ADGRB3: variants seen among roughly 807,000 people sequenced by gnomAD.
ADGRB3 encodes the protein adhesion G protein-coupled receptor B3, also known as brain-specific angiogenesis inhibitor 3.
In ADGRB3, 37 loss-of-function variants were observed where a neutral mutation model predicts 193.4. The observed-to-expected ratio is 0.19, with a 90% confidence interval of 0.15 to 0.25. The LOEUF (loss-of-function observed/expected upper bound fraction) is 0.25, where lower values mean the gene tolerates loss of function less well. Among genes scored for constraint, ADGRB3 ranks in the 10% least tolerant of loss-of-function variants. The pLI, the probability that ADGRB3 is intolerant of heterozygous loss-of-function variation, is 1.00. For missense variants in ADGRB3, 1,637 were observed against 1,852.9 expected, an observed-to-expected ratio of 0.88 and a Z score of 2.14; for synonymous variants, 690 against 644.2, an observed-to-expected ratio of 1.07 and a Z score of -1.08.
chr6:69,321,774 G>A (rs1224155854), intron 20 of ADGRB3, among the ~76,000 whole-genome samples: 4 of 151,768 alleles, frequency 2.6e-5, no homozygotes, highest in East Asian at 3.9e-4. Context: ...ATTCATAAAA[G>A]TTATATTGTA....
At position 69,183,023 on chromosome 6, in the gene ADGRB3, A is replaced by G. The variant is rs1764966546; in HGVS notation, c.2481-50267A>G. 2.6e-5 allele frequency among the ~76,000 whole-genome samples: 4 copies of G among 152,222 alleles called. No individual in the cohort carries two copies. In the South Asian group the frequency reaches 8.3e-4, roughly 32 times the overall value. On this transcript the variant is annotated intron_variant, in intron 17 of 31. Transcript: ENST00000370598. ...GTTATTACTTTTAAAATATGGCACT[A>G]CTGTCACATGGATGTTACCCCTTAC... is the stretch of plus-strand genomic sequence containing the variant.
chr6:68,856,006 T>G (rs1366916724), intron 3 of ADGRB3, among the ~76,000 whole-genome samples: 1 of 152,180 alleles, frequency 6.6e-6, no homozygotes, highest in Non-Finnish European at 1.5e-5. Flanking sequence ...CTCATGATAG[T>G]GAATGGGTCT....
chr6:68,942,752 A>G (rs1055774167), intron 5 of ADGRB3, among the ~76,000 whole-genome samples: 2 of 152,102 alleles, frequency 1.3e-5, no homozygotes, highest in South Asian at 2.1e-4. Context: ...CTGGGACTAC[A>G]GGCACACAAC....
At chr6:69,341,112 A>C (rs1768965276) in intron 26 of ADGRB3, among the ~76,000 whole-genome samples, 1 of 152,138 alleles carries the variant, frequency 6.6e-6, no homozygotes, top group Non-Finnish European at 1.5e-5. Context: ...ATGATGTATA[A>C]TCCTTTGGGT....
At chr6:69,307,347 G>A (rs1437279380) in intron 20 of ADGRB3, among the ~76,000 whole-genome samples, 1 of 151,482 alleles carries the variant, frequency 6.6e-6, no homozygotes, top group Non-Finnish European at 1.5e-5. Flanking sequence ...TGTATTTTAA[G>A]CAAAGATAAT....
intron 13 of ADGRB3, among the ~76,000 whole-genome samples, chr6:69,029,947 CATAT>C (rs145059462): frequency 1.4e-5 from 2 of 144,000 alleles, no homozygotes; most frequent in African/African-American, 5.2e-5. Context: ...AGCCAACAAA[CATAT>C]ATATATATAT....
In ADGRB3 at chr6:69,350,725, A is replaced by G. The variant is rs540492563; in HGVS notation, c.3460-3508A>G. Among the ~76,000 whole-genome samples the G allele has an allele frequency of 3.4e-4, 52 of 152,258 alleles. No individual in the cohort carries two copies. The South Asian group carries it at 0.011, about 32-fold the overall frequency. The stretch of plus-strand genomic sequence containing the variant: ...TATGACTGTTGGCACAGAATATTTT[A>G]ATATTCTGGTTGAGAAAGCAAGATC... On this transcript the variant is annotated intron_variant, in intron 26 of 31. Transcript: ENST00000370598.
At chr6:69,241,197 T>C (rs925192524) in intron 20 of ADGRB3, among the ~76,000 whole-genome samples, 6 of 151,958 alleles carry the variant, frequency 3.9e-5, no homozygotes, top group East Asian at 1.9e-4. Flanking sequence ...TGATGTACAA[T>C]AGAAATGCAA....
At chr6:69,384,807 T>C (rs999789282) in intron 31 of ADGRB3, among the ~76,000 whole-genome samples, 2 of 152,042 alleles carry the variant, frequency 1.3e-5, no homozygotes, top group Non-Finnish European at 2.9e-5. Flanking sequence ...GCGACTTCCT[T>C]ATTCAGTTTT....
At chr6:68,834,196 A>C (rs1463062529) in intron 3 of ADGRB3, among the ~76,000 whole-genome samples, 1 of 152,068 alleles carries the variant, frequency 6.6e-6, no homozygotes, top group East Asian at 1.9e-4. Flanking sequence ...CAGTCTATAT[A>C]ATACCCAAAA....
At chr6:68,955,948 G>T in intron 6 of ADGRB3, 76 bp from the exon 7 acceptor site, 2 of 1,500,892 alleles carry the variant, frequency 1.3e-6, no homozygotes, top group Non-Finnish European at 1.8e-6. Context: ...TTCAAGGGTG[G>T]TTTTACCAGG....
intron 3 of ADGRB3, among the ~76,000 whole-genome samples, chr6:68,806,897 C>T (rs180750222): frequency 6.6e-6 from 1 of 152,160 alleles, no homozygotes; most frequent in East Asian, 1.9e-4. Context: ...TATTGTTACA[C>T]AGTTGCCTTG....
chr6:69,029,803 A>G (rs971497696), intron 13 of ADGRB3, among the ~76,000 whole-genome samples: 2 of 152,122 alleles, frequency 1.3e-5, no homozygotes, highest in African/African-American at 4.8e-5. Flanking sequence ...CTATAATAAT[A>G]CAGGCCAAGA....
chr6:68,838,614 T>C (rs1768090534), intron 3 of ADGRB3, among the ~76,000 whole-genome samples: 1 of 152,182 alleles, frequency 6.6e-6, no homozygotes, highest in Non-Finnish European at 1.5e-5. Flanking sequence ...TGTAGCAAAG[T>C]CAAATGGGAT....
At chr6:68,892,649 G>T (rs1766110548) in intron 3 of ADGRB3, among the ~76,000 whole-genome samples, 2 of 152,036 alleles carry the variant, frequency 1.3e-5, no homozygotes, top group South Asian at 4.1e-4. Flanking sequence ...AGAGGGCCTG[G>T]GTTGTGCAAT....
At chr6:69,347,596 G>A (rs1769128686) in intron 26 of ADGRB3, among the ~76,000 whole-genome samples, 1 of 152,048 alleles carries the variant, frequency 6.6e-6, no homozygotes, top group Non-Finnish European at 1.5e-5. Flanking sequence ...GGGCAACACA[G>A]TGAGACCCAC....
At position 69,122,322 on chromosome 6, in the gene ADGRB3, G is replaced by A. The variant is rs552024153; in HGVS notation, c.2480+46284G>A. ...AAACCAGTCAGGCGTGGTGGCACGC[G>A]CCTGTAATCCCAGGCACTCGGCAGG... On this transcript the variant is annotated intron_variant, in intron 17 of 31. Transcript: ENST00000370598. Among the ~76,000 whole-genome samples, 627 of 151,484 alleles carry A rather than the reference G, an allele frequency of 4.1e-3. 2 individuals carry two copies. The highest frequency in any genetic ancestry group is 7.7e-3 in the Non-Finnish European group (519 of 67,832).
chr6:69,063,980 A>G (rs372804105), intron 16 of ADGRB3, among the ~76,000 whole-genome samples: 2 of 151,884 alleles, frequency 1.3e-5, no homozygotes, highest in East Asian at 3.9e-4. Context: ...CTTTCTTTAC[A>G]TTGAAAAAAA....
At chr6:68,824,472 A>G (rs1370340045) in intron 3 of ADGRB3, among the ~76,000 whole-genome samples, 1 of 149,114 alleles carries the variant, frequency 6.7e-6, no homozygotes, top group African/African-American at 2.4e-5. Flanking sequence ...AATTTCAGTG[A>G]CTTCAAGGGT....
Sources: allele counts gnomAD v4.1 joint callset (sites outside exome capture counted in the v4.1 genomes callset), GRCh38; gene constraint gnomAD v4.1.1; transcripts MANE v1.5; gene names NCBI Gene and HGNC (gene_info 2026-07-23, HGNC 2026-07-21).